The following POGLUT1 variants were observed in gnomAD, a reference collection of about 807,000 sequenced individuals.
POGLUT1 encodes the protein protein O-glucosyltransferase 1, also known as 9630046K23Rik.
Under a neutral mutation model 61.3 loss-of-function variants are expected in POGLUT1, and 32 were observed. The ratio of observed to expected loss-of-function variants is 0.52; its 90% CI spans 0.39 to 0.70. POGLUT1 has a LOEUF of 0.70. Among genes scored for constraint, POGLUT1 ranks in the 30% least tolerant of loss-of-function variants. The pLI is 0.00. For synonymous variants in POGLUT1, 158 were observed against 158.2 expected, an observed-to-expected ratio of 1.00 and a Z score of 0.01; for missense variants, 411 against 469.8, an observed-to-expected ratio of 0.87 and a Z score of 1.16.
At chr3:119,485,021 C>G (rs556855358) in intron 5 of POGLUT1, among the ~76,000 whole-genome samples, 1 of 152,258 alleles carries the variant, frequency 6.6e-6, no homozygotes, top group African/African-American at 2.4e-5. Flanking sequence ...TAGAGACCAT[C>G]CTGGCTAACA....
intron 8 of POGLUT1, chr3:119,489,914 T>C (rs991159941): frequency 1.3e-5 from 2 of 152,988 alleles, no homozygotes; most frequent in African/African-American, 4.8e-5. Context: ...TAATGCCTGA[T>C]GATCTGAGGT....
At chr3:119,472,983 G>A (rs6782410) in intron 3 of POGLUT1, among the ~76,000 whole-genome samples, 7,446 of 152,240 alleles carry the variant, frequency 0.049, 234 homozygotes, top group Non-Finnish European at 0.067. Flanking sequence ...GTAAGCCTGA[G>A]CCGTGATTAT....
At chr3:119,474,893 G>A (rs758367818) in intron 3 of POGLUT1, among the ~76,000 whole-genome samples, 19 of 151,626 alleles carry the variant, frequency 1.3e-4, no homozygotes, top group Admixed American at 2.0e-4. Flanking sequence ...AAAGAAATAC[G>A]AGCATTTTAG....
rs562921651 is a variant in POGLUT1 at position 119,473,847 on chromosome 3, G to C, written c.320+2395G>C. ...GGCTAATTTTTGTGTTTTTAGTAGAGACGGGGTTTCACCTCGTTCGTCAGG... is the reference window on the plus strand; with the variant it reads ...GGCTAATTTTTGTGTTTTTAGTAGACACGGGGTTTCACCTCGTTCGTCAGG... On this transcript the variant is annotated intron_variant, in intron 3 of 10. Transcript: ENST00000295588. Among the ~76,000 whole-genome samples, 16 of 152,130 alleles carry C rather than the reference G, an allele frequency of 1.1e-4. No individual in the cohort carries two copies. The East Asian group carries it at 3.1e-3, about 30-fold the overall frequency.
chr3:119,493,054 A>G lies in POGLUT1; in HGVS notation c.*616A>G, dbSNP rs2081771721. On this transcript the variant is annotated 3_prime_UTR_variant, in exon 11 of 11. Transcript: ENST00000295588. The stretch of plus-strand genomic sequence containing the variant: ...AGGAGGTTTCTATAATGCCACATAG[A>G]AAGAGGCCAATTGCATGAGTAATTA... 1 of 152,464 alleles carries G rather than the reference A, an allele frequency of 6.6e-6. No homozygotes were observed. Among genetic ancestry groups the G allele is most frequent in the Non-Finnish European group, 1.5e-5 (1 of 68,016 alleles). The allele number at this position is 152,464 out of a possible 1,614,324, so 9.4% of individuals were successfully genotyped here.
rs369438260 is a variant in POGLUT1, at chr3:119,493,146, C to CA, written c.*723dup. The CA allele has an allele frequency of 0.62, 87,206 of 140,340 alleles. 27,156 individuals carry two copies. The highest frequency in any genetic ancestry group is 0.74 in the East Asian group (3,628 of 4,870). 8.7% of individuals were successfully genotyped at this position (140,340 alleles called of 1,614,324 possible). ...CTACTTCTTAATGCCTCTCTAAAGC[C>CA]AAAAAAAAAAAAAAAGACAAAGCCT... On this transcript the variant is annotated 3_prime_UTR_variant, in exon 11 of 11. Coordinates refer to ENST00000295588, the MANE Select transcript of POGLUT1 (RefSeq NM_152305.3).
intron 7 of POGLUT1, chr3:119,487,147 T>G (rs1374984732): frequency 2.6e-5 from 14 of 544,908 alleles, no homozygotes; most frequent in Non-Finnish European, 1.3e-5. Flanking sequence ...TGCACTACTT[T>G]GAAGGTTTAA....
intron 3 of POGLUT1, among the ~76,000 whole-genome samples, chr3:119,476,647 CAG>C (rs1478941209): frequency 6.6e-6 from 1 of 152,152 alleles, no homozygotes; most frequent in African/African-American, 2.4e-5. Flanking sequence ...GTCAGGACCT[CAG>C]AGGATGAGGC....
At chr3:119,473,021 A>G (rs767901008) in intron 3 of POGLUT1, among the ~76,000 whole-genome samples, 4 of 152,250 alleles carry the variant, frequency 2.6e-5, no homozygotes, top group Non-Finnish European at 5.9e-5. Context: ...AGGGTGATAG[A>G]GCAAGACCTG....
intron 7 of POGLUT1, among the ~76,000 whole-genome samples, chr3:119,487,209 G>A (rs906871418): frequency 2.0e-5 from 3 of 152,202 alleles, no homozygotes; most frequent in Non-Finnish European, 4.4e-5. Flanking sequence ...AATGTTGTAG[G>A]TTTTGCAGGT....
At chr3:119,488,195 T>C (rs1400961729) in intron 7 of POGLUT1, 1 of 152,188 alleles carries the variant, frequency 6.6e-6, no homozygotes, top group Non-Finnish European at 1.5e-5. Context: ...AAAAATGTGT[T>C]CATTTAGAAC....
At position 119,491,522 on chromosome 3, in the gene POGLUT1, C is replaced by G; in HGVS notation, c.970C>G (p.Leu324Val). The G allele has an allele frequency of 6.7e-7, 1 of 1,491,460 alleles. No homozygotes were observed. The highest frequency in any genetic ancestry group is 9.2e-7 in the Non-Finnish European group (1 of 1,081,470). The allele number at this position is 1,491,460 out of a possible 1,614,324, so 92.4% of individuals were successfully genotyped here. A position where few individuals can be genotyped will look rare whatever the true frequency, so the allele number is the denominator to read the frequency against. Reference protein sequence around the residue: ...VKTDLSNVQELLQFVKANDDV... With the variant: ...VKTDLSNVQEVLQFVKANDDV... ...CTAAAATTCTTTTCATTTTAGAGAG[C>G]TGTTACAATTTGTAAAAGCAAATGA... The change falls in exon 10 of 11, where the codon CTG becomes GTG. Residue 324 changes from leucine to valine, a missense_variant. Transcript: ENST00000295588.
intron 6 of POGLUT1, 28 bp from the exon 7 acceptor site, chr3:119,486,805 A>G (rs1282963838): frequency 3.4e-6 from 5 of 1,463,700 alleles, no homozygotes; most frequent in Non-Finnish European, 4.8e-6. Context: ...CAGGCCACAC[A>G]GTTTTATGTC....
In POGLUT1 at chr3:119,488,951, C is replaced by T; in HGVS notation, c.761C>T (p.Ala254Val). Residue 254 changes from alanine to valine, a missense_variant, in exon 8 of 11, where the codon GCT (alanine) becomes GTT (valine). Transcript: ENST00000295588. ...SMKDTLGKPA[A>V]KDVHLVDHCK... ...AAGGATACCTTAGGAAAGCCAGCTG[C>T]TAAGGATGTCCATCTTGTGGATCAC... The T allele has an allele frequency of 6.3e-7, 1 of 1,593,350 alleles. No individual in the cohort carries two copies. The highest frequency in any genetic ancestry group is 1.1e-5 in the South Asian group (1 of 89,798).
At chr3:119,475,010 C>A (rs3932422) in intron 3 of POGLUT1, among the ~76,000 whole-genome samples, 67,778 of 151,138 alleles carry the variant, frequency 0.45, 15,734 homozygotes, top group East Asian at 0.63. Context: ...TGTAAAATAT[C>A]CAAATATTTT....
At chr3:119,483,388 G>T (rs896715857) in intron 5 of POGLUT1, among the ~76,000 whole-genome samples, 1 of 152,214 alleles carries the variant, frequency 6.6e-6, no homozygotes, top group African/African-American at 2.4e-5. Flanking sequence ...TGGAAAGGCA[G>T]TGTAGGTTTT....
At chr3:119,481,123 T>C (rs1560035198) in intron 5 of POGLUT1, among the ~76,000 whole-genome samples, 1 of 152,020 alleles carries the variant, frequency 6.6e-6, no homozygotes, top group Non-Finnish European at 1.5e-5. Flanking sequence ...GACCTCGTCA[T>C]AGGGGGGATA....
chr3:119,477,196 A>C, intron 3 of POGLUT1, 117 bp from the exon 4 acceptor site: 1 of 981,108 alleles, frequency 1.0e-6, no homozygotes, highest in Non-Finnish European at 1.6e-6. Flanking sequence ...CAGTAGACTG[A>C]TGATATGGAA....
At chr3:119,488,524 C>G (rs2081699661) in intron 7 of POGLUT1, 1 of 153,660 alleles carries the variant, frequency 6.5e-6, no homozygotes, top group Non-Finnish European at 1.4e-5. Context: ...ACTTTGCATG[C>G]CCAACAAAAT....
Sources: gnomAD v4.1 joint callset for allele counts (sites outside exome capture counted in the v4.1 genomes callset) on GRCh38, gnomAD v4.1.1 for gene constraint, MANE v1.5 for transcripts, NCBI Gene and HGNC (gene_info 2026-07-23, HGNC 2026-07-21) for gene names.